The following HMCN1 variants were observed in gnomAD, a reference collection of about 807,000 sequenced individuals.
HMCN1 encodes hemicentin 1.
HMCN1 carries 321 observed loss-of-function variants against 625.9 expected under a neutral mutation model. The ratio of observed to expected loss-of-function variants is 0.51; its 90% CI spans 0.47 to 0.56. The LOEUF (loss-of-function observed/expected upper bound fraction) is 0.56. Among genes scored for constraint, HMCN1 ranks in the 20% least tolerant of loss-of-function variants. The pLI, the probability that HMCN1 is intolerant of heterozygous loss-of-function variation, is 0.00. For synonymous variants in HMCN1, 2,425 were observed against 2,417.6 expected (o/e 1.00, Z -0.09); for missense variants, 6,588 against 6,887.3 (o/e 0.96, Z 1.54).
At chr1:186,099,791 C>T (rs1158823968) in intron 68 of HMCN1, among the ~76,000 whole-genome samples, 1 of 152,052 alleles carries the variant, frequency 6.6e-6, no homozygotes. Context: ...AATTTGCACT[C>T]CCTGAAACTG....
At chr1:185,892,265 C>T (rs1003839777) in intron 4 of HMCN1, among the ~76,000 whole-genome samples, 45 of 151,050 alleles carry the variant, frequency 3.0e-4, no homozygotes, top group African/African-American at 6.2e-4. Context: ...AATGTCCTCC[C>T]GTAGCTCAGA....
Position 186,182,151 on chromosome 1 carries a change from G to GTT in HMCN1, c.16295-16_16295-15insTT. On this transcript the variant is annotated splice_polypyrimidine_tract_variant and intron_variant, in intron 104 of 106. Transcript: ENST00000271588. ...TTTTCTTGTGTAGTGATAACTCTCT[G>GTT]TCTTCTTCCTGAACAGATATTGATG... The GTT allele has an allele frequency of 6.2e-7, 1 of 1,612,606 alleles. No individual in the cohort carries two copies. Among genetic ancestry groups the GTT allele is most frequent in the Non-Finnish European group, 8.5e-7 (1 of 1,178,892 alleles).
intron 11 of HMCN1, among the ~76,000 whole-genome samples, chr1:185,946,825 A>G (rs1014955357): frequency 3.9e-5 from 6 of 152,212 alleles, no homozygotes; most frequent in African/African-American, 1.4e-4. Context: ...AAAATGGATA[A>G]TAAGGAGGCA....
intron 22 of HMCN1, 135 bp from the exon 23 acceptor site, chr1:185,993,047 T>C (rs563659707): frequency 1.0e-5 from 8 of 778,984 alleles, no homozygotes; most frequent in South Asian, 8.4e-5. Flanking sequence ...TTAAGATGTA[T>C]AGATGTACAT....
chr1:186,015,064 C>A, intron 30 of HMCN1, 95 bp from the exon 31 acceptor site: 1 of 1,108,954 alleles, frequency 9.0e-7, no homozygotes. Context: ...CTTTAATTTA[C>A]TTTAAATGCA....
chr1:185,866,566 G>A (rs889294030), intron 4 of HMCN1, among the ~76,000 whole-genome samples: 22 of 151,546 alleles, frequency 1.5e-4, no homozygotes, highest in Middle Eastern at 3.4e-3. Flanking sequence ...CACCACGCCC[G>A]GCTAATTTTT....
intron 88 of HMCN1, 43 bp from the exon 89 acceptor site, chr1:186,137,759 A>G (rs371789118): frequency 5.6e-6 from 9 of 1,613,890 alleles, no homozygotes; most frequent in Non-Finnish European, 7.6e-6. Context: ...AAGTATTCCC[A>G]ATTGAAATAT....
intron 1 of HMCN1, among the ~76,000 whole-genome samples, chr1:185,840,164 A>C (rs1004804709): frequency 2.0e-5 from 3 of 152,222 alleles, no homozygotes; most frequent in Admixed American, 6.5e-5. Flanking sequence ...AACATTATAA[A>C]TGAGTAAGGA....
rs192935399 is a variant in HMCN1 at position 186,073,733 on chromosome 1, G to T, written c.8140-1008G>T. 5.3e-5 allele frequency among the ~76,000 whole-genome samples: 8 copies of T among 151,960 alleles called. No individual in the cohort carries two copies. In the East Asian group the frequency reaches 1.6e-3, roughly 29 times the overall value. On this transcript the variant is annotated intron_variant, in intron 52 of 106. Coordinates refer to ENST00000271588, the MANE Select transcript of HMCN1 (RefSeq NM_031935.3). ...AAGAAGGGAATAGAAGTCAGGAGGA[G>T]ACTGAGTGGCAGTGAAAATATTGCA...
chr1:185,862,764 G>A (rs767742243), intron 2 of HMCN1, among the ~76,000 whole-genome samples: 8 of 152,126 alleles, frequency 5.3e-5, no homozygotes, highest in Admixed American at 2.6e-4. Context: ...ATAACATTTT[G>A]GGGAATCTAT....
intron 15 of HMCN1, among the ~76,000 whole-genome samples, chr1:185,975,339 G>A (rs1401266578): frequency 6.6e-6 from 1 of 152,112 alleles, no homozygotes; most frequent in Non-Finnish European, 1.5e-5. Context: ...GGCTAGGGAG[G>A]ACTCAGGAAA....
intron 30 of HMCN1, among the ~76,000 whole-genome samples, chr1:186,011,610 C>T (rs1296051882): frequency 1.3e-5 from 2 of 152,138 alleles, no homozygotes; most frequent in Admixed American, 6.5e-5. Flanking sequence ...TTTGCATTTG[C>T]CTCAAGGTGT....
rs1452907593 is a variant in HMCN1 at position 185,814,689 on chromosome 1, ATTAT to A, written c.269-31330_269-31327del. ...TTAATATTTATTTTTTTTAATTATTATTATTTATTTTTTTTTTTTTGAGATGCAG... is the reference window on the plus strand; with the variant it reads ...TTAATATTTATTTTTTTTAATTATTATTATTTTTTTTTTTTTGAGATGCAG... On this transcript the variant is annotated intron_variant, in intron 1 of 106. Transcript: ENST00000271588. 8.9e-4 allele frequency among the ~76,000 whole-genome samples: 125 copies of A among 140,446 alleles called. 6 individuals carry two copies. The highest frequency in any genetic ancestry group is 3.6e-3 in the African/African-American group (115 of 32,110). The allele number at this position is 140,446 out of a possible 152,430, so 92.1% of individuals were successfully genotyped here.
In HMCN1 at chr1:186,016,007, A is replaced by G. The variant is rs1654342245; in HGVS notation, c.4959A>G (p.Val1653=). The part of the protein sequence containing the change: ...GNLATPLNKQ[V]VIAHSLTLEC... Reference sequence around the variant, plus strand: ...TGGCCACGCCTTTGAATAAGCAAGTAGTTATTGCTCATTCTCTGACACTGG... The same window carrying G: ...TGGCCACGCCTTTGAATAAGCAAGTGGTTATTGCTCATTCTCTGACACTGG... The change falls in exon 32 of 107, where the codon GTA becomes GTG. Residue 1653 remains valine, a synonymous_variant. Transcript: ENST00000271588. 6.2e-7 allele frequency: 1 copy of G among 1,613,456 alleles called. No homozygotes were observed. The highest frequency in any genetic ancestry group is 1.1e-5 in the South Asian group (1 of 91,070).
rs562590492 is a variant in HMCN1, at chr1:186,144,536, A to T, written c.14099A>T (p.His4700Leu). The T allele has an allele frequency of 1.1e-5, 17 of 1,613,982 alleles. No homozygotes were observed. The highest frequency in any genetic ancestry group is 1.4e-5 in the Non-Finnish European group (17 of 1,180,024). The change falls in exon 91 of 107, where the codon CAT (histidine) becomes CTT (leucine). Residue 4700 changes from histidine to leucine, a missense_variant. Physicochemically the swap from His to Leu is moderately conservative, Grantham distance 99 (BLOSUM62 -3). This residue lies in a region of HMCN1 where 1,954 missense variants were observed against 2,013.1 expected (regional missense o/e 0.97). Transcript: ENST00000271588. ...QVCNERNCPI[H>L]GKWATWASWS... ...GTACCTTTTTCCCTTATTCCAGTTC[A>T]TGGCAAGTGGGCGACTTGGGCCAGT...
intron 58 of HMCN1, 111 bp from the exon 59 acceptor site, chr1:186,087,104 CTA>C: frequency 2.7e-6 from 2 of 737,574 alleles, no homozygotes; most frequent in East Asian, 5.3e-5. Context: ...GAAGGCTTCT[CTA>C]TAAATTTTAC....
At chr1:185,788,240 T>G (rs948311989) in intron 1 of HMCN1, among the ~76,000 whole-genome samples, 1 of 152,272 alleles carries the variant, frequency 6.6e-6, no homozygotes, top group African/African-American at 2.4e-5. Flanking sequence ...TAGCTTCATT[T>G]ATGCATTTAT....
intron 1 of HMCN1, among the ~76,000 whole-genome samples, chr1:185,784,922 G>A (rs997614562): frequency 4.6e-5 from 7 of 152,086 alleles, no homozygotes; most frequent in African/African-American, 1.2e-4. Context: ...GATATCTGTC[G>A]TGGATACATT....
At chr1:185,765,088 T>C (rs894057433) in intron 1 of HMCN1, among the ~76,000 whole-genome samples, 2 of 152,196 alleles carry the variant, frequency 1.3e-5, no homozygotes, top group Admixed American at 1.3e-4. Flanking sequence ...CTTGGTGTGG[T>C]ACCAAATGAC....
Sources: gnomAD v4.1 joint callset for allele counts (sites outside exome capture counted in the v4.1 genomes callset) on GRCh38, gnomAD v4.1.1 for gene constraint, gnomAD v4.1.1 regional missense constraint, MANE v1.5 for transcripts, NCBI Gene and HGNC (gene_info 2026-07-23, HGNC 2026-07-21) for gene names.